PCDH15: variants seen among roughly 807,000 people sequenced by gnomAD.
The protein encoded by PCDH15 is protocadherin related 15, also known as protocadherin-15.
In PCDH15, 129 loss-of-function variants were observed where a neutral mutation model predicts 178.5. That is an observed-to-expected ratio of 0.72 (90% CI 0.63 to 0.84). The LOEUF (loss-of-function observed/expected upper bound fraction) is 0.84. Among genes scored for constraint, PCDH15 ranks in the 40% least tolerant of loss-of-function variants. The probability of loss-of-function intolerance (pLI) is 0.00; values close to 1 mark genes in which losing one functional copy is unlikely to be tolerated. For synonymous variants in PCDH15, 800 were observed against 732.0 expected (o/e 1.09, Z -1.50); for missense variants, 2,230 against 2,099.9 (o/e 1.06, Z -1.21).
intron 14 of PCDH15, among the ~76,000 whole-genome samples, chr10:54,134,355 A>T (rs2133079457): frequency 6.6e-6 from 1 of 151,466 alleles, no homozygotes; most frequent in South Asian, 2.1e-4. Context: ...AATCTCCTTA[A>T]AGTAGTCCCA....
chr10:54,671,589 G>C (rs1448673032), intron 1 of PCDH15, among the ~76,000 whole-genome samples: 1 of 152,068 alleles, frequency 6.6e-6, no homozygotes, highest in Non-Finnish European at 1.5e-5. Context: ...TTATTCTTCT[G>C]TAATTGACAG....
chr10:55,035,704 T>C (rs1158665436), intron 2 of PCDH15, among the ~76,000 whole-genome samples: 2 of 152,174 alleles, frequency 1.3e-5, no homozygotes, highest in African/African-American at 2.4e-5. Context: ...TGGATAATTA[T>C]GCAAACAGCC....
At chr10:54,735,093 A>T (rs1380734224) in intron 1 of PCDH15, among the ~76,000 whole-genome samples, 1 of 152,038 alleles carries the variant, frequency 6.6e-6, no homozygotes, top group Non-Finnish European at 1.5e-5. Context: ...TTTAAAAAAC[A>T]TCTGGTATAT....
chr10:54,659,488 C>A (rs940677217), intron 2 of PCDH15, among the ~76,000 whole-genome samples: 1 of 152,122 alleles, frequency 6.6e-6, no homozygotes, highest in African/African-American at 2.4e-5. Flanking sequence ...TGCAGTGGCT[C>A]ATGCTGGTAA....
intron 2 of PCDH15, among the ~76,000 whole-genome samples, chr10:55,486,481 C>T (rs1403724373): frequency 6.6e-6 from 1 of 151,256 alleles, no homozygotes; most frequent in Non-Finnish European, 1.5e-5. Flanking sequence ...ATATTAATAA[C>T]TAAAATATGT....
intron 10 of PCDH15, among the ~76,000 whole-genome samples, chr10:54,197,191 TTTC>T (rs2133938974): frequency 7.0e-6 from 1 of 142,466 alleles, no homozygotes; most frequent in African/African-American, 3.0e-5. Context: ...ATGTATAAAT[TTTC>T]TTTTTTTTCT....
At chr10:55,096,711 A>C (rs1372043484) in intron 2 of PCDH15, among the ~76,000 whole-genome samples, 1 of 152,060 alleles carries the variant, frequency 6.6e-6, no homozygotes, top group African/African-American at 2.4e-5. Context: ...TTTAGATTTC[A>C]CATATAAATG....
intron 1 of PCDH15, among the ~76,000 whole-genome samples, chr10:54,670,781 T>A (rs2094649815): frequency 6.6e-6 from 1 of 152,122 alleles, no homozygotes; most frequent in Admixed American, 6.6e-5. Context: ...TATTTTATAT[T>A]TAGTGCATAT....
At chr10:54,972,756 G>A (rs1011471000) in intron 2 of PCDH15, among the ~76,000 whole-genome samples, 4 of 150,472 alleles carry the variant, frequency 2.7e-5, no homozygotes, top group African/African-American at 9.8e-5. Flanking sequence ...GGCTGAGGCA[G>A]GAGAATCACT....
intron 2 of PCDH15, among the ~76,000 whole-genome samples, chr10:54,926,694 T>C (rs1259648613): frequency 6.6e-6 from 1 of 152,062 alleles, no homozygotes; most frequent in Admixed American, 6.6e-5. Context: ...GGTATATGTG[T>C]TCAAAAATCT....
intron 8 of PCDH15, among the ~76,000 whole-genome samples, chr10:54,253,328 AAC>A (rs931585344): frequency 2.0e-5 from 3 of 152,084 alleles, no homozygotes; most frequent in Non-Finnish European, 4.4e-5. Flanking sequence ...ATATGGAATG[AAC>A]ACAGTGGTTT....
intron 10 of PCDH15, among the ~76,000 whole-genome samples, chr10:54,210,206 A>G (rs962618424): frequency 1.3e-5 from 2 of 151,866 alleles, no homozygotes; most frequent in Non-Finnish European, 2.9e-5. Context: ...CTACATTTGC[A>G]TCTTTTTTTT....
chr10:55,205,129 G>GT (rs1482708716), intron 1 of PCDH15, among the ~76,000 whole-genome samples: 7 of 152,052 alleles, frequency 4.6e-5, no homozygotes, highest in Admixed American at 3.9e-4. Context: ...TCAAGAATTA[G>GT]TATGATAGAG....
chr10:53,906,715 T>A, intron 25 of PCDH15, among the ~76,000 whole-genome samples: 1 of 152,218 alleles, frequency 6.6e-6, no homozygotes, highest in South Asian at 2.1e-4. Context: ...GTAGAGCCTT[T>A]AAAGCAGCAG....
intron 2 of PCDH15, among the ~76,000 whole-genome samples, chr10:55,103,191 C>T (rs1389718111): frequency 6.6e-6 from 1 of 150,938 alleles, no homozygotes; most frequent in Admixed American, 6.6e-5. Flanking sequence ...TTTGTTTCAG[C>T]GCCAGTGATA....
chr10:54,668,738 C>T (rs1333967637), intron 1 of PCDH15, among the ~76,000 whole-genome samples: 1 of 152,160 alleles, frequency 6.6e-6, no homozygotes, highest in African/African-American at 2.4e-5. Flanking sequence ...TAGCCTATGT[C>T]TCTGACTGCT....
chr10:55,334,221 C>CAT (rs34468887), intron 2 of PCDH15, among the ~76,000 whole-genome samples: 1,206 of 62,680 alleles, frequency 0.019, 22 homozygotes, highest in South Asian at 0.034. Context: ...TAGGGTGCTC[C>CAT]ATATATATAT....
Position 53,982,039 on chromosome 10 carries a change from T to C in PCDH15, c.2868+13610A>G, listed in dbSNP as rs574324774. On this transcript the variant is annotated intron_variant, in intron 21 of 37. Transcript: ENST00000644397. ...TGAACAGACACTTTTCAAAAGAAGA[T>C]ATTTATGCAGCCAAAAGACACATGA... Among the ~76,000 whole-genome samples, 380 of 152,216 alleles carry C rather than the reference T, an allele frequency of 2.5e-3. 1 individual carries two copies. The highest frequency in any genetic ancestry group is 3.7e-3 in the Non-Finnish European group (252 of 68,024).
chr10:55,121,510 A>G (rs542382220), intron 2 of PCDH15, among the ~76,000 whole-genome samples: 37 of 152,228 alleles, frequency 2.4e-4, no homozygotes, highest in African/African-American at 8.7e-4. Flanking sequence ...TTTTGTATAT[A>G]AGAAGGATAT....
Sources: gnomAD v4.1 joint callset for allele counts (sites outside exome capture counted in the v4.1 genomes callset) on GRCh38, gnomAD v4.1.1 for gene constraint, MANE v1.5 for transcripts, NCBI Gene and HGNC (gene_info 2026-07-23, HGNC 2026-07-21) for gene names.